LRRFIP2: variants seen among roughly 807,000 people sequenced by gnomAD.
The protein encoded by LRRFIP2 is LRR binding FLII interacting protein 2.
LRRFIP2 carries 109 observed loss-of-function variants against 125.9 expected under a neutral mutation model. The ratio of observed to expected loss-of-function variants is 0.87; its 90% CI spans 0.74 to 1.01. The LOEUF (loss-of-function observed/expected upper bound fraction) is 1.01, where lower values mean the gene tolerates loss of function less well. Ranked by LOEUF, LRRFIP2 falls within the 50% of genes least tolerant of loss-of-function variation. The pLI, the probability that LRRFIP2 is intolerant of heterozygous loss-of-function variation, is 0.00. For missense variants in LRRFIP2, 850 were observed against 862.3 expected (o/e 0.99, Z 0.18); for synonymous variants, 291 against 293.1 (o/e 0.99, Z 0.07).
At chr3:37,065,195 A>AGAAAG (rs2089870954) in intron 23 of LRRFIP2, 1 of 177,294 alleles carries the variant, frequency 5.6e-6, no homozygotes, top group East Asian at 1.3e-4. Context: ...TTGTGGGGTC[A>AGAAAG]ATGGATGGGT....
intron 22 of LRRFIP2, 120 bp from the exon 23 acceptor site, chr3:37,066,062 G>A: frequency 7.2e-7 from 1 of 1,387,620 alleles, no homozygotes; most frequent in Non-Finnish European, 1.0e-6. Flanking sequence ...TCAGTTACAT[G>A]AAATATAGCT....
intron 2 of LRRFIP2, among the ~76,000 whole-genome samples, chr3:37,130,613 T>C (rs1434723202): frequency 1.3e-5 from 2 of 152,234 alleles, no homozygotes; most frequent in African/African-American, 2.4e-5. Context: ...AAGTTTTAAA[T>C]TGTACGCCAT....
chr3:37,079,802 G>A (rs6806861), intron 19 of LRRFIP2, among the ~76,000 whole-genome samples: 55,151 of 151,926 alleles, frequency 0.36, 10,944 homozygotes, highest in Non-Finnish European at 0.45. Flanking sequence ...AAAACATCAC[G>A]CTAAGCGAAA....
chr3:37,118,298 G>A (rs1307802854), intron 6 of LRRFIP2, among the ~76,000 whole-genome samples: 2 of 152,022 alleles, frequency 1.3e-5, no homozygotes, highest in Non-Finnish European at 2.9e-5. Flanking sequence ...CAAACTCCTG[G>A]GTGATTCTGC....
chr3:37,121,960 G>A (rs2095068665), intron 4 of LRRFIP2, among the ~76,000 whole-genome samples: 1 of 150,650 alleles, frequency 6.6e-6, no homozygotes, highest in East Asian at 2.0e-4. Flanking sequence ...TGGTACATGT[G>A]CACAACGTGC....
At chr3:37,164,002 T>G (rs567055537) in intron 1 of LRRFIP2, among the ~76,000 whole-genome samples, 4 of 152,342 alleles carry the variant, frequency 2.6e-5, no homozygotes, top group East Asian at 1.9e-4. Flanking sequence ...AGTTCACAAC[T>G]AATTTTATGC....
Position 37,066,269 on chromosome 3 carries a change from G to C in LRRFIP2, c.1521C>G (p.Leu507=). 13 of 1,614,154 alleles carry C rather than the reference G, an allele frequency of 8.1e-6. No homozygotes were observed. Among genetic ancestry groups the C allele is most frequent in the Non-Finnish European group, 1.0e-5 (12 of 1,180,002 alleles). The change falls in exon 22 of 28, where the codon CTC becomes CTG. Residue 507 remains leucine, a synonymous_variant. Coordinates refer to ENST00000336686, the MANE Select transcript of LRRFIP2 (RefSeq NM_006309.4). ...CCTGCAGGTCAGCCAGCTCCTCTCT[G>C]AGCATATCTCGCTCATTCCTAAGGC... ...IACLRNERDM[L]REELADLQET... is the part of the protein sequence containing the mutation.
intron 2 of LRRFIP2, among the ~76,000 whole-genome samples, chr3:37,138,657 A>G (rs1425632448): frequency 6.6e-6 from 1 of 152,198 alleles, no homozygotes; most frequent in Non-Finnish European, 1.5e-5. Context: ...GTTTCTGTTC[A>G]TGTCTTCCAC....
intron 25 of LRRFIP2, among the ~76,000 whole-genome samples, chr3:37,055,569 C>T (rs918312473): frequency 6.6e-6 from 1 of 151,864 alleles, no homozygotes; most frequent in Non-Finnish European, 1.5e-5. Flanking sequence ...CGTCCCCCTG[C>T]CAAAAAAAAA....
intron 1 of LRRFIP2, among the ~76,000 whole-genome samples, chr3:37,161,092 C>T (rs564073644): frequency 1.1e-4 from 16 of 150,642 alleles, no homozygotes; most frequent in South Asian, 6.3e-4. Flanking sequence ...GCCTGTAATC[C>T]CAGCACTTTG....
intron 15 of LRRFIP2, among the ~76,000 whole-genome samples, chr3:37,098,027 T>G (rs556317698): frequency 5.3e-5 from 8 of 152,324 alleles, no homozygotes; most frequent in African/African-American, 1.9e-4. Context: ...CTGGCTCTAC[T>G]CAGAACACTT....
chr3:37,128,359 C>A (rs182230061), intron 3 of LRRFIP2, among the ~76,000 whole-genome samples: 1 of 152,270 alleles, frequency 6.6e-6, no homozygotes, highest in African/African-American at 2.4e-5. Context: ...AAGTCAATGT[C>A]AGAAAAGTAA....
chr3:37,148,051 T>C (rs2095903213), intron 2 of LRRFIP2, among the ~76,000 whole-genome samples: 1 of 152,186 alleles, frequency 6.6e-6, no homozygotes, highest in Non-Finnish European at 1.5e-5. Context: ...ATTGTTTCCA[T>C]CAACATTTAC....
In LRRFIP2 at chr3:37,096,652, T is replaced by G; in HGVS notation, c.882A>C (p.Glu294Asp). The G allele has an allele frequency of 6.4e-7, 1 of 1,563,186 alleles. No homozygotes were observed. Among genetic ancestry groups the G allele is most frequent in the Non-Finnish European group, 8.7e-7 (1 of 1,143,234 alleles). The change falls in exon 16 of 28, where the codon GAA (glutamate) becomes GAC (aspartate). Residue 294 changes from glutamate (E) to aspartate (D), a missense_variant. Physicochemically the swap from Glu to Asp is conservative, Grantham distance 45. Transcript: ENST00000336686. ...ISIPDLSSLD[E>D]KSDKQYAENY... ...TTTCAGCATACTGTTTGTCAGATTT[T>G]TCATCCAACTAGAAAAGAACAAAGA...
intron 1 of LRRFIP2, among the ~76,000 whole-genome samples, chr3:37,152,465 G>A (rs965298710): frequency 3.3e-5 from 5 of 151,332 alleles, no homozygotes; most frequent in East Asian, 3.9e-4. Context: ...TTTTTGAGAC[G>A]GAGTCTCGCT....
intron 1 of LRRFIP2, among the ~76,000 whole-genome samples, chr3:37,169,372 T>C (rs1380533513): frequency 2.0e-5 from 3 of 152,192 alleles, no homozygotes; most frequent in Non-Finnish European, 4.4e-5. Flanking sequence ...GCCCTCTCAT[T>C]TCCTTGACTG....
intron 2 of LRRFIP2, among the ~76,000 whole-genome samples, chr3:37,129,361 CT>C (rs2095367674): frequency 1.3e-5 from 2 of 152,288 alleles, no homozygotes; most frequent in South Asian, 4.1e-4. Context: ...AAATCCGGGC[CT>C]TTACCTTTAA....
intron 2 of LRRFIP2, among the ~76,000 whole-genome samples, chr3:37,137,792 T>G (rs1204195416): frequency 6.6e-6 from 1 of 152,138 alleles, no homozygotes; most frequent in African/African-American, 2.4e-5. Context: ...AAAACCAGAG[T>G]GAATAAAATC....
Position 37,054,397 on chromosome 3 carries a change from A to G in LRRFIP2, c.2055+14T>C, listed in dbSNP as rs746309872. On this transcript the variant is annotated intron_variant, in intron 27 of 27. Coordinates refer to ENST00000336686, the MANE Select transcript of LRRFIP2 (RefSeq NM_006309.4). Reference sequence around the variant, plus strand: ...TAGGAATGTATTCTCCAAGAAACATATTAAAAGAAGTACCTCTCGTTGTAG... The same window carrying G: ...TAGGAATGTATTCTCCAAGAAACATGTTAAAAGAAGTACCTCTCGTTGTAG... The G allele has an allele frequency of 1.3e-6, 2 of 1,587,946 alleles. No homozygotes were observed. Among genetic ancestry groups the G allele is most frequent in the Admixed American group, 3.4e-5 (2 of 59,482 alleles).
Sources: gnomAD v4.1 joint callset for allele counts (sites outside exome capture counted in the v4.1 genomes callset) on GRCh38, gnomAD v4.1.1 for gene constraint, MANE v1.5 for transcripts, NCBI Gene and HGNC (gene_info 2026-07-23, HGNC 2026-07-21) for gene names.